LINGO2: variants seen among roughly 807,000 people sequenced by gnomAD.
LINGO2 encodes the protein leucine-rich repeat and immunoglobulin-like domain-containing nogo receptor-interacting protein 2.
In LINGO2, 14 loss-of-function variants were observed where a neutral mutation model predicts 30.6. The ratio of observed to expected loss-of-function variants is 0.46; its 90% CI spans 0.30 to 0.72. The LOEUF is 0.72. LINGO2 is among the 30% of genes least tolerant of loss of function. The pLI, the probability that LINGO2 is intolerant of heterozygous loss-of-function variation, is 0.07. For synonymous variants in LINGO2, 317 were observed against 288.5 expected, an observed-to-expected ratio of 1.10 and a Z score of -1.00; for missense variants, 729 against 751.7, an observed-to-expected ratio of 0.97 and a Z score of 0.35.
chr9:29,063,817 T>A, the LINGO2 span, among the ~76,000 whole-genome samples: 2 of 152,168 alleles, frequency 1.3e-5, no homozygotes, highest in Non-Finnish European at 2.9e-5. Context: ...AATATGTTTT[T>A]AAAAATATCT....
At chr9:29,093,027 GTGTA>G in the LINGO2 span, among the ~76,000 whole-genome samples, 4 of 48,100 alleles carry the variant, frequency 8.3e-5, 2 homozygotes, top group African/African-American at 3.3e-4. Flanking sequence ...GATAATGTGT[GTGTA>G]TATATATATA....
chr9:28,709,244 T>G, the LINGO2 span, among the ~76,000 whole-genome samples: 1 of 152,078 alleles, frequency 6.6e-6, no homozygotes, highest in Admixed American at 6.6e-5. Flanking sequence ...TTTTTAACTC[T>G]CATACTATGT....
chr9:28,548,702 CAAAAAAAAAAAAAA>C (rs147347396), intron 1 of LINGO2, among the ~76,000 whole-genome samples: 3 of 63,342 alleles, frequency 4.7e-5, no homozygotes, highest in Admixed American at 2.4e-4. Flanking sequence ...GACTCCATCT[CAAAAAAAAAAAAAA>C]AAAAAAAAAA....
At chr9:28,093,531 T>A (rs1826159193) in intron 4 of LINGO2, among the ~76,000 whole-genome samples, 1 of 151,222 alleles carries the variant, frequency 6.6e-6, no homozygotes, top group Non-Finnish European at 1.5e-5. Flanking sequence ...AAACATTAGT[T>A]TTTTTTTTAA....
At chr9:28,782,974 T>C in the LINGO2 span, among the ~76,000 whole-genome samples, 1 of 152,304 alleles carries the variant, frequency 6.6e-6, no homozygotes, top group East Asian at 1.9e-4. Flanking sequence ...CTGAATCCTG[T>C]ATACAACTGT....
At chr9:28,091,464 T>G (rs1422808893) in intron 4 of LINGO2, among the ~76,000 whole-genome samples, 2 of 152,162 alleles carry the variant, frequency 1.3e-5, no homozygotes, top group Admixed American at 1.3e-4. Flanking sequence ...GATTCCCTAT[T>G]TAATAAATGG....
the LINGO2 span, among the ~76,000 whole-genome samples, chr9:29,029,383 G>A: frequency 1.3e-5 from 2 of 152,158 alleles, no homozygotes; most frequent in Non-Finnish European, 2.9e-5. Context: ...CTGGTGCACA[G>A]TAAGTATAGT....
chr9:28,560,667 T>C (rs1048854528), intron 1 of LINGO2, among the ~76,000 whole-genome samples: 1 of 151,966 alleles, frequency 6.6e-6, no homozygotes, highest in South Asian at 2.1e-4. Flanking sequence ...ACAATTTTAT[T>C]TATTTATATA....
the LINGO2 span, among the ~76,000 whole-genome samples, chr9:28,930,384 A>AG: frequency 6.6e-6 from 1 of 152,162 alleles, no homozygotes; most frequent in Non-Finnish European, 1.5e-5. The surrounding 1 kb of genome is among the most constrained non-coding windows in gnomAD (Gnocchi z 4.2). Flanking sequence ...AATGCTTGGC[A>AG]TCCCATAGGG....
chr9:27,971,074 C>T (rs921516058), intron 5 of LINGO2, among the ~76,000 whole-genome samples: 1 of 151,816 alleles, frequency 6.6e-6, no homozygotes, highest in Non-Finnish European at 1.5e-5. Flanking sequence ...AATGGTGGTT[C>T]TCCTCTTTTT....
the LINGO2 span, among the ~76,000 whole-genome samples, chr9:28,843,834 T>C: frequency 6.5e-3 from 985 of 151,896 alleles, 9 homozygotes; most frequent in Non-Finnish European, 0.011. Flanking sequence ...GAGCTTACTA[T>C]GTAAAGGGAG....
intron 4 of LINGO2, among the ~76,000 whole-genome samples, chr9:28,108,683 T>C (rs779819388): frequency 5.9e-5 from 9 of 152,094 alleles, no homozygotes; most frequent in Non-Finnish European, 1.0e-4. Context: ...AACTATTAGT[T>C]CCTGGTAAAA....
At chr9:28,642,768 T>A (rs1827652647) in intron 1 of LINGO2, among the ~76,000 whole-genome samples, 2 of 152,134 alleles carry the variant, frequency 1.3e-5, no homozygotes, top group Non-Finnish European at 2.9e-5. Flanking sequence ...ATCTGGCATA[T>A]ATGACCTATT....
the LINGO2 span, among the ~76,000 whole-genome samples, chr9:28,847,011 A>T: frequency 6.8e-6 from 1 of 147,714 alleles, no homozygotes; most frequent in Non-Finnish European, 1.5e-5. Context: ...TGGCTCTCAA[A>T]GCTTATTCCT....
chr9:28,891,600 C>T, the LINGO2 span, among the ~76,000 whole-genome samples: 1 of 151,832 alleles, frequency 6.6e-6, no homozygotes, highest in Admixed American at 6.6e-5. Context: ...GATGCTATTT[C>T]TAGGGAACTG....
At chr9:28,860,339 C>T in the LINGO2 span, among the ~76,000 whole-genome samples, 1 of 151,992 alleles carries the variant, frequency 6.6e-6, no homozygotes, top group Non-Finnish European at 1.5e-5. Flanking sequence ...AAACAGATTT[C>T]CCTCTATAAT....
chr9:29,015,695 G>A, the LINGO2 span, among the ~76,000 whole-genome samples: 1 of 152,178 alleles, frequency 6.6e-6, no homozygotes, highest in East Asian at 1.9e-4. Context: ...ATGCTTGTAA[G>A]GTCTGCTTCC....
chr9:28,805,043 C>T, the LINGO2 span, among the ~76,000 whole-genome samples: 8 of 152,198 alleles, frequency 5.3e-5, no homozygotes, highest in African/African-American at 1.9e-4. Flanking sequence ...TCCTTTAAAT[C>T]CTGATCTGTC....
chr9:28,043,136 ACAGGTAGAAGATGT>A (rs780226970), intron 4 of LINGO2, among the ~76,000 whole-genome samples: 6 of 152,216 alleles, frequency 3.9e-5, no homozygotes, highest in Non-Finnish European at 8.8e-5. Context: ...CACCAACGAG[ACAGGTAGAAGATGT>A]CAGTGTGTGC....
Sources: gnomAD v4.1 joint callset for allele counts (sites outside exome capture counted in the v4.1 genomes callset) on GRCh38, gnomAD v4.1.1 for gene constraint, Gnocchi (gnomAD v3.1) non-coding constraint, MANE v1.5 for transcripts, NCBI Gene and HGNC (gene_info 2026-07-23, HGNC 2026-07-21) for gene names.